Variants in CPED1 observed in about 807,000 individuals in gnomAD.
The protein encoded by CPED1 is cadherin like and PC-esterase domain containing 1, also known as cadherin-like and PC-esterase domain-containing protein 1.
A neutral mutation model predicts 128.2 loss-of-function variants in CPED1; 114 were observed. That is an observed-to-expected ratio of 0.89 (90% CI 0.76 to 1.04). The LOEUF (loss-of-function observed/expected upper bound fraction) is 1.04. CPED1 is among the 50% of genes least tolerant of loss of function. CPED1 has a pLI of 0.00. For synonymous variants in CPED1, 462 were observed against 426.7 expected (o/e 1.08, Z -1.02); for missense variants, 1,211 against 1,207.1 (o/e 1.00, Z -0.05).
chr7:121,138,516 A>G (rs1198943001), intron 14 of CPED1, among the ~76,000 whole-genome samples: 2 of 152,070 alleles, frequency 1.3e-5, no homozygotes, highest in Non-Finnish European at 2.9e-5. Context: ...AGACTTTCTG[A>G]TGAAACCAAA....
intron 7 of CPED1, among the ~76,000 whole-genome samples, chr7:121,111,087 G>A (rs1795095962): frequency 6.6e-6 from 1 of 152,118 alleles, no homozygotes; most frequent in African/African-American, 2.4e-5. Context: ...GAATGGGAAA[G>A]AGAAATGTGA....
intron 16 of CPED1, among the ~76,000 whole-genome samples, chr7:121,234,798 T>C (rs1798217029): frequency 6.6e-6 from 1 of 151,998 alleles, no homozygotes; most frequent in Non-Finnish European, 1.5e-5. Context: ...CATTGTTGAT[T>C]GAGTGAACAC....
At chr7:121,038,502 A>T (rs967177963) in intron 3 of CPED1, among the ~76,000 whole-genome samples, 1 of 152,154 alleles carries the variant, frequency 6.6e-6, no homozygotes, top group Non-Finnish European at 1.5e-5. Flanking sequence ...TACTTTGGTG[A>T]CATGTATAAT....
intron 3 of CPED1, among the ~76,000 whole-genome samples, chr7:121,027,147 T>C (rs982128350): frequency 6.6e-6 from 1 of 151,960 alleles, no homozygotes; most frequent in African/African-American, 2.4e-5. Context: ...GGCTCTGTCA[T>C]TTCTTAAAGT....
At chr7:121,246,281 C>A (rs1156870326) in intron 18 of CPED1, among the ~76,000 whole-genome samples, 1 of 152,196 alleles carries the variant, frequency 6.6e-6, no homozygotes, top group Non-Finnish European at 1.5e-5. Context: ...TAAAATAACC[C>A]TCTGTGGTAG....
intron 2 of CPED1, among the ~76,000 whole-genome samples, chr7:121,004,222 A>T (rs1256967581): frequency 6.6e-6 from 1 of 152,190 alleles, no homozygotes; most frequent in Non-Finnish European, 1.5e-5. Context: ...TGGTTGCTAC[A>T]TGCATCTGAA....
intron 16 of CPED1, among the ~76,000 whole-genome samples, chr7:121,180,120 T>C (rs143941071): frequency 1.4e-3 from 217 of 152,168 alleles, no homozygotes; most frequent in African/African-American, 4.7e-3. Context: ...CACATGGTGG[T>C]CCCAAAGACC....
At chr7:121,124,504 A>AT in intron 8 of CPED1, 31 bp downstream of exon 8, 5 of 1,380,194 alleles carry the variant, frequency 3.6e-6, no homozygotes, top group Non-Finnish European at 4.8e-6. Context: ...TAAAAAAAAA[A>AT]GAAAAGAAAG....
chr7:121,130,460 T>C (rs1795634884), intron 12 of CPED1, among the ~76,000 whole-genome samples, 166 bp downstream of exon 12: 1 of 152,084 alleles, frequency 6.6e-6, no homozygotes. Context: ...ACCATAATGA[T>C]TCTAGTGGTC....
intron 7 of CPED1, among the ~76,000 whole-genome samples, chr7:121,120,248 A>G (rs1795352679): frequency 6.6e-6 from 1 of 152,200 alleles, no homozygotes; most frequent in Non-Finnish European, 1.5e-5. Context: ...TGGCTGCACC[A>G]TGTTACTTTT....
rs560468992 is a variant in CPED1, at chr7:121,291,639, C to T, written c.2869-3801C>T. Reference sequence around the variant, plus strand: ...TGTATAGGAATGCTTGTGATTTTTGCACATTGATCTTGTATCCTGAGATTT... The same window carrying T: ...TGTATAGGAATGCTTGTGATTTTTGTACATTGATCTTGTATCCTGAGATTT... On this transcript the variant is annotated intron_variant, in intron 22 of 22. Coordinates refer to ENST00000310396, the MANE Select transcript of CPED1 (RefSeq NM_024913.5). 1.3e-3 allele frequency among the ~76,000 whole-genome samples: 197 copies of T among 152,238 alleles called. 1 individual carries two copies. The highest frequency in any genetic ancestry group is 1.3e-3 in the Non-Finnish European group (88 of 68,008).
intron 5 of CPED1, among the ~76,000 whole-genome samples, chr7:121,092,079 C>A (rs147735006): frequency 2.3e-3 from 343 of 152,242 alleles, no homozygotes; most frequent in African/African-American, 7.8e-3. Context: ...CTTTCCCATG[C>A]TCATTGTGGG....
At chr7:120,998,939 C>T (rs1465506761) in intron 2 of CPED1, among the ~76,000 whole-genome samples, 2 of 151,922 alleles carry the variant, frequency 1.3e-5, no homozygotes, top group East Asian at 3.9e-4. Flanking sequence ...AGTAACATAT[C>T]TATTCATTGG....
rs1249975018 is a variant in CPED1 at position 121,296,973 on chromosome 7, A to G, written c.*1321A>G. 6.6e-6 allele frequency: 1 copy of G among 152,148 alleles called. No individual in the cohort carries two copies. The highest frequency in any genetic ancestry group is 1.5e-5 in the Non-Finnish European group (1 of 67,930). 9.4% of individuals were successfully genotyped at this position (152,148 alleles called of 1,614,324 possible). A position where few individuals can be genotyped will look rare whatever the true frequency, so the allele number is the denominator to read the frequency against. ...TTTGATTGATCAGTTCTTTTGTATG[A>G]ATATCCACCTCCTTTAAATACTCTA... is the stretch of plus-strand genomic sequence containing the variant. On this transcript the variant is annotated 3_prime_UTR_variant, in exon 23 of 23. Coordinates refer to ENST00000310396, the MANE Select transcript of CPED1 (RefSeq NM_024913.5).
Position 121,021,589 on chromosome 7 carries a change from T to C in CPED1, c.433+5741T>C, listed in dbSNP as rs186990682. ...ACGAGCTTAACCACAATAATAACTT[T>C]CTTGGGGAGGTAGTAGGCTTTGGAA... On this transcript the variant is annotated intron_variant, in intron 3 of 22. Coordinates refer to ENST00000310396, the MANE Select transcript of CPED1 (RefSeq NM_024913.5). 1.2e-3 allele frequency among the ~76,000 whole-genome samples: 175 copies of C among 152,112 alleles called. 1 individual carries two copies. The highest frequency in any genetic ancestry group is 4.0e-3 in the African/African-American group (167 of 41,554).
intron 16 of CPED1, among the ~76,000 whole-genome samples, chr7:121,198,834 C>G (rs1797326148): frequency 6.6e-6 from 1 of 152,170 alleles, no homozygotes; most frequent in African/African-American, 2.4e-5. Flanking sequence ...TACACTGTCT[C>G]TATCAGTTAT....
chr7:121,153,375 CTT>C (rs939727813), intron 16 of CPED1, among the ~76,000 whole-genome samples: 1 of 152,154 alleles, frequency 6.6e-6, no homozygotes, highest in African/African-American at 2.4e-5. Flanking sequence ...TTCCAAATGA[CTT>C]TTAGATATTT....
At chr7:121,120,019 T>G (rs1239662319) in intron 7 of CPED1, among the ~76,000 whole-genome samples, 1 of 152,230 alleles carries the variant, frequency 6.6e-6, no homozygotes, top group Non-Finnish European at 1.5e-5. Context: ...GAATAATATT[T>G]GTTGTAGGCA....
chr7:121,000,547 C>T (rs748212923), intron 2 of CPED1, among the ~76,000 whole-genome samples: 28 of 152,018 alleles, frequency 1.8e-4, no homozygotes, highest in Admixed American at 3.9e-4. Flanking sequence ...CAGAATGGGC[C>T]TTATCATGTT....
Sources: gnomAD v4.1 joint callset for allele counts (sites outside exome capture counted in the v4.1 genomes callset) on GRCh38, gnomAD v4.1.1 for gene constraint, MANE v1.5 for transcripts, NCBI Gene and HGNC (gene_info 2026-07-23, HGNC 2026-07-21) for gene names.